The following STK4 variants were observed in gnomAD, a reference collection of about 807,000 sequenced individuals.
The protein encoded by STK4 is serine/threonine-protein kinase 4.
In STK4, 30 loss-of-function variants were observed where a neutral mutation model predicts 64.9. That is an observed-to-expected ratio of 0.46 (90% CI 0.35 to 0.63). The LOEUF (loss-of-function observed/expected upper bound fraction) is 0.63. Ranked by LOEUF, STK4 falls within the 20% of genes least tolerant of loss-of-function variation. The pLI is 0.01. For synonymous variants in STK4, 177 were observed against 199.0 expected (o/e 0.89, Z 0.93); for missense variants, 466 against 598.5 (o/e 0.78, Z 2.31).
intron 9 of STK4, among the ~76,000 whole-genome samples, chr20:45,013,396 AC>A (rs1333374589): frequency 2.0e-5 from 3 of 151,960 alleles, no homozygotes; most frequent in Non-Finnish European, 4.4e-5. Flanking sequence ...CAACATTGTA[AC>A]TTTTTCTCTT....
chr20:44,982,152 C>T (rs1439461851), intron 4 of STK4, among the ~76,000 whole-genome samples: 2 of 149,894 alleles, frequency 1.3e-5, no homozygotes, highest in African/African-American at 4.9e-5. Context: ...TCCCCTGTCA[C>T]CCAGGCTGGA....
chr20:45,057,877 A>C lies in STK4; in HGVS notation c.1306-17141A>C, dbSNP rs554473481. 2.6e-5 allele frequency among the ~76,000 whole-genome samples: 4 copies of C among 152,352 alleles called. No homozygotes were observed. The South Asian group carries it at 6.2e-4, about 24-fold the overall frequency. ...ATTACCATGGCATAAATTAATTCAC[A>C]TTTGATTATACCAATTAAACAGTTG... On this transcript the variant is annotated intron_variant, in intron 10 of 10. Coordinates refer to ENST00000372806, the MANE Select transcript of STK4 (RefSeq NM_006282.5).
At chr20:45,051,361 T>G (rs750239079) in intron 10 of STK4, among the ~76,000 whole-genome samples, 1 of 152,234 alleles carries the variant, frequency 6.6e-6, no homozygotes, top group Non-Finnish European at 1.5e-5. Flanking sequence ...CTCTTTAGTT[T>G]CTTTCTTTTC....
intron 9 of STK4, among the ~76,000 whole-genome samples, chr20:45,021,457 G>T (rs2068245781): frequency 6.6e-6 from 1 of 152,160 alleles, no homozygotes; most frequent in Non-Finnish European, 1.5e-5. Context: ...CATGAAGAAA[G>T]AATCATTATG....
At chr20:45,012,948 ATTTTTTTTTT>A (rs60788017) in intron 9 of STK4, among the ~76,000 whole-genome samples, 6 of 51,166 alleles carry the variant, frequency 1.2e-4, no homozygotes, top group East Asian at 7.4e-4. Flanking sequence ...CACACCTGTG[ATTTTTTTTTT>A]TTTTTTTTTT....
intron 2 of STK4, chr20:44,972,916 A>AC: frequency 6.6e-6 from 1 of 151,684 alleles, no homozygotes; most frequent in Non-Finnish European, 1.5e-5. Context: ...AAAAAAAAAA[A>AC]AAAACTGCCT....
intron 7 of STK4, among the ~76,000 whole-genome samples, chr20:44,997,561 A>G (rs994789867): frequency 2.0e-5 from 3 of 152,136 alleles, no homozygotes. Context: ...GTGGTGGCGC[A>G]TGCCTGTAGT....
intron 10 of STK4, among the ~76,000 whole-genome samples, chr20:45,051,039 GT>G (rs1332619599): frequency 6.6e-6 from 1 of 152,098 alleles, no homozygotes; most frequent in African/African-American, 2.4e-5. Flanking sequence ...AAAGTGGCTT[GT>G]TTTTACAGAT....
In STK4 at chr20:45,077,334, G is replaced by A. The variant is rs1980590452; in HGVS notation, c.*2158G>A. ...AGCCAAGTAAGTTTTAAAAACCAAA[G>A]CATCCAGGATGCACACCCCTGCACC... On this transcript the variant is annotated 3_prime_UTR_variant, in exon 11 of 11. Coordinates refer to ENST00000372806, the MANE Select transcript of STK4 (RefSeq NM_006282.5). The A allele has an allele frequency of 6.6e-6, 1 of 152,130 alleles. No individual in the cohort carries two copies. The highest frequency in any genetic ancestry group is 1.5e-5 in the Non-Finnish European group (1 of 68,020). 9.4% of individuals were successfully genotyped at this position (152,130 alleles called of 1,614,324 possible).
intron 10 of STK4, among the ~76,000 whole-genome samples, chr20:45,073,848 A>C (rs1980289848): frequency 6.6e-6 from 1 of 152,200 alleles, no homozygotes; most frequent in Non-Finnish European, 1.5e-5. Context: ...TTACACACAC[A>C]GTGCAGCAGG....
chr20:45,041,094 A>G (rs2068605811), intron 10 of STK4, among the ~76,000 whole-genome samples: 1 of 152,228 alleles, frequency 6.6e-6, no homozygotes, highest in African/African-American at 2.4e-5. Flanking sequence ...CTACGTGGTT[A>G]TGCCACAAAC....
intron 9 of STK4, among the ~76,000 whole-genome samples, chr20:45,012,861 G>A (rs1162994571): frequency 7.2e-6 from 1 of 137,986 alleles, no homozygotes; most frequent in African/African-American, 2.8e-5. Flanking sequence ...CTAGCTCACT[G>A]CAGCCTTGAA....
intron 10 of STK4, among the ~76,000 whole-genome samples, chr20:45,049,134 C>T (rs1170818880): frequency 1.3e-5 from 2 of 152,014 alleles, no homozygotes; most frequent in Non-Finnish European, 2.9e-5. Context: ...CCGAGGGTAC[C>T]CTTTCATCAA....
chr20:45,031,481 T>C (rs1352998243), intron 10 of STK4, among the ~76,000 whole-genome samples: 1 of 152,222 alleles, frequency 6.6e-6, no homozygotes, highest in African/African-American at 2.4e-5. Flanking sequence ...AACAGTCAAA[T>C]TCCGGCTAAA....
At position 45,024,910 on chromosome 20, in the gene STK4, TTTATTAAAC is replaced by T. The variant is rs2068316207; in HGVS notation, c.1148-59_1148-51del. The T allele has an allele frequency of 2.1e-6, 3 of 1,426,672 alleles. No homozygotes were observed. In the East Asian group the frequency reaches 7.7e-5, roughly 37 times the overall value. The allele number at this position is 1,426,672 out of a possible 1,614,324, so 88.4% of individuals were successfully genotyped here. On this transcript the variant is annotated intron_variant, in intron 9 of 10. Transcript: ENST00000372806. Reference sequence around the variant, plus strand: ...TGTAGCCCATCTGGAGATATGTCTATTTATTAAACTTACCTAAAATTTAGAATGTTTCTT... The same window carrying T: ...TGTAGCCCATCTGGAGATATGTCTATTTACCTAAAATTTAGAATGTTTCTT...
intron 9 of STK4, among the ~76,000 whole-genome samples, chr20:45,024,322 A>G (rs1219463632): frequency 6.6e-6 from 1 of 150,862 alleles, no homozygotes; most frequent in Non-Finnish European, 1.5e-5. Flanking sequence ...TTTTTCCTAT[A>G]TGTATGATTT....
rs1481152044 is a variant in STK4 at position 44,978,539 on chromosome 20, C to G, written c.213C>G (p.Ile71Met). 6.2e-7 allele frequency: 1 copy of G among 1,614,014 alleles called. No homozygotes were observed. Among genetic ancestry groups the G allele is most frequent in the Admixed American group, 1.7e-5 (1 of 60,006 alleles). ...TGGAATCAGACCTCCAGGAGATAAT[C>G]AAAGAAATCTCTATAATGCAGCAAT... ...VPVESDLQEI[I>M]KEISIMQQCD... Residue 71 changes from isoleucine (I) to methionine (M), a missense_variant, in exon 3 of 11, where the codon ATC (isoleucine) becomes ATG (methionine). Ile to Met is a conservative substitution (Grantham distance 10). Transcript: ENST00000372806.
At chr20:45,056,884 G>A (rs1049207082) in intron 10 of STK4, among the ~76,000 whole-genome samples, 2 of 152,256 alleles carry the variant, frequency 1.3e-5, no homozygotes, top group South Asian at 2.1e-4. Flanking sequence ...TGGAGAAGAT[G>A]TGGTTCAGCC....
chr20:45,047,954 T>C (rs898915269), intron 10 of STK4, among the ~76,000 whole-genome samples: 1 of 152,246 alleles, frequency 6.6e-6, no homozygotes, highest in African/African-American at 2.4e-5. Context: ...TCAAACTCTC[T>C]TGGTCTTTGT....
Sources: allele counts gnomAD v4.1 joint callset (sites outside exome capture counted in the v4.1 genomes callset), GRCh38; gene constraint gnomAD v4.1.1; transcripts MANE v1.5; gene names NCBI Gene and HGNC (gene_info 2026-07-23, HGNC 2026-07-21).